PIPOX: variants seen among roughly 807,000 people sequenced by gnomAD.
PIPOX encodes peroxisomal sarcosine oxidase.
PIPOX carries 45 observed loss-of-function variants against 47.9 expected under a neutral mutation model. The ratio of observed to expected loss-of-function variants is 0.94; its 90% CI spans 0.74 to 1.20. The LOEUF (loss-of-function observed/expected upper bound fraction) is 1.20. Ranked by LOEUF, PIPOX falls within the 50% of genes most tolerant of loss-of-function variation. PIPOX has a pLI of 0.00. For missense variants in PIPOX, 458 were observed against 498.4 expected, an observed-to-expected ratio of 0.92 and a Z score of 0.77; for synonymous variants, 165 against 191.3, an observed-to-expected ratio of 0.86 and a Z score of 1.13.
Position 29,055,852 on chromosome 17 carries a change from A to C in PIPOX, c.1006A>C (p.Lys336Gln). The C allele has an allele frequency of 1.2e-6, 2 of 1,613,938 alleles. No individual in the cohort carries two copies. The highest frequency in any genetic ancestry group is 1.7e-6 in the Non-Finnish European group (2 of 1,179,868). ...GCAGTTCATTCTCGATCGCCACCCA[A>C]AGTATGACAACATTGTCATTGGTGC... Reference protein sequence around the residue: ...DEQFILDRHPKYDNIVIGAGF... With the variant: ...DEQFILDRHPQYDNIVIGAGF... The change falls in exon 7 of 8, where the codon AAG (lysine) becomes CAG (glutamine). Residue 336 changes from lysine (K) to glutamine (Q), a missense_variant. By Grantham distance (53) the Lys-to-Gln change is moderately conservative. Coordinates refer to ENST00000323372, the MANE Select transcript of PIPOX (RefSeq NM_016518.3).
At chr17:29,051,384 C>G (rs1296719942) in intron 2 of PIPOX, among the ~76,000 whole-genome samples, 1 of 152,182 alleles carries the variant, frequency 6.6e-6, no homozygotes, top group Non-Finnish European at 1.5e-5. Context: ...GGTGTCCCTA[C>G]CCCCTCCCAA....
In PIPOX at chr17:29,055,103, G is replaced by T; in HGVS notation, c.848G>T (p.Arg283Leu). Residue 283 changes from arginine to leucine, a missense_variant, in exon 6 of 8, where the codon CGG becomes CTG. Physicochemically the swap from Arg to Leu is moderately radical, Grantham distance 102. Transcript: ENST00000323372. The stretch of plus-strand genomic sequence containing the variant: ...GGCAACCACGCAGACCCTGAGGAGC[G>T]GGACTGCCCCACAGCACGCACAGAC... ...HHGNHADPEE[R>L]DCPTARTDIG... 1.9e-6 allele frequency: 3 copies of T among 1,614,094 alleles called. No homozygotes were observed. The highest frequency in any genetic ancestry group is 2.5e-6 in the Non-Finnish European group (3 of 1,180,000).
At chr17:29,043,752 G>A (rs1229951426) in intron 1 of PIPOX, among the ~76,000 whole-genome samples, 1 of 152,076 alleles carries the variant, frequency 6.6e-6, no homozygotes, top group African/African-American at 2.4e-5. Context: ...CTAAGAGGTA[G>A]GATTCTGTCT....
chr17:29,046,892 C>G (rs1210837739), intron 2 of PIPOX: 2 of 322,444 alleles, frequency 6.2e-6, no homozygotes, highest in African/African-American at 4.5e-5. Flanking sequence ...ATACTAATAC[C>G]TGTGTCATGG....
rs541530677 is a variant in PIPOX, at chr17:29,053,535, C to T, written c.600C>T (p.Ile200=). The T allele has an allele frequency of 1.2e-6, 2 of 1,613,890 alleles. No individual in the cohort carries two copies. The highest frequency in any genetic ancestry group is 2.7e-5 in the African/African-American group (2 of 75,048). ...GCTACCAAGCTAAGAGCTTGGTCAT[C>T]ACAGCAGGTCCTTGGACCAACCAGC... The part of the protein sequence containing the change: ...SRSYQAKSLV[I]TAGPWTNQLL... The change falls in exon 4 of 8, where the codon ATC becomes ATT. Residue 200 remains isoleucine (I), a synonymous_variant. Transcript: ENST00000323372.
intron 2 of PIPOX, among the ~76,000 whole-genome samples, chr17:29,045,859 G>C (rs898584515): frequency 6.6e-6 from 1 of 152,144 alleles, no homozygotes; most frequent in Admixed American, 6.5e-5. Context: ...TGCTTGCCAG[G>C]GAGTGAGCCT....
At chr17:29,055,965 C>T in intron 7 of PIPOX, 77 bp downstream of exon 7, 1 of 1,393,528 alleles carries the variant, frequency 7.2e-7, no homozygotes. Flanking sequence ...ATTTTCCACA[C>T]TCTTAGCTGC....
chr17:29,044,771 T>C, intron 1 of PIPOX, 88 bp from the exon 2 acceptor site: 2 of 1,350,436 alleles, frequency 1.5e-6, no homozygotes, highest in Non-Finnish European at 1.0e-6. Flanking sequence ...TGGCTCCTGG[T>C]TGACAGCACA....
At position 29,046,819 on chromosome 17, in the gene PIPOX, G is replaced by C. The variant is rs142810436; in HGVS notation, c.263+1812G>C. Reference sequence around the variant, plus strand: ...TCTCAGCTCTGACACGCTCAGCTGTGTGGTTTGGAACGAGCTGTTGAACCT... The same window carrying C: ...TCTCAGCTCTGACACGCTCAGCTGTCTGGTTTGGAACGAGCTGTTGAACCT... On this transcript the variant is annotated intron_variant, in intron 2 of 7. Coordinates refer to ENST00000323372, the MANE Select transcript of PIPOX (RefSeq NM_016518.3). 442 of 942,220 alleles carry C rather than the reference G, an allele frequency of 4.7e-4. 3 individuals carry two copies. In the African/African-American group the frequency reaches 7.1e-3, roughly 15 times the overall value. 58.4% of individuals were successfully genotyped at this position (942,220 alleles called of 1,614,324 possible). A position where few individuals can be genotyped will look rare whatever the true frequency, so the allele number is the denominator to read the frequency against.
chr17:29,049,781 C>T lies in PIPOX; in HGVS notation c.264-3139C>T, dbSNP rs552230131. On this transcript the variant is annotated intron_variant, in intron 2 of 7. Transcript: ENST00000323372. ...GGCCAAATAGCTCAGCTGTGATCCA[C>T]GGAAAATGAGAATTTCCCAAACACA... 4.6e-5 allele frequency among the ~76,000 whole-genome samples: 7 copies of T among 152,328 alleles called. No individual in the cohort carries two copies. The South Asian group carries it at 8.3e-4, about 18-fold the overall frequency.
intron 2 of PIPOX, among the ~76,000 whole-genome samples, chr17:29,051,681 G>A (rs759817512): frequency 2.0e-5 from 3 of 152,178 alleles, no homozygotes; most frequent in Non-Finnish European, 4.4e-5. Flanking sequence ...CTCCCTTAGG[G>A]AGTAAAAGCA....
Position 29,056,182 on chromosome 17 carries a change from G to A in PIPOX, c.1050G>A (p.Gly350=), listed in dbSNP as rs1414827246. The change falls in exon 8 of 8, where the codon GGG becomes GGA. Residue 350 remains glycine (G), a synonymous_variant. Transcript: ENST00000323372. ...IVIGAGFSGH[G]FKLAPVVGKI... is the part of the protein sequence containing the mutation. Reference sequence around the variant, plus strand: ...CTGCTCTTCCCTTCCTAGGGCACGGGTTCAAGCTGGCCCCTGTGGTGGGGA... The same window carrying A: ...CTGCTCTTCCCTTCCTAGGGCACGGATTCAAGCTGGCCCCTGTGGTGGGGA... 1 of 1,614,080 alleles carries A rather than the reference G, an allele frequency of 6.2e-7. No individual in the cohort carries two copies. The highest frequency in any genetic ancestry group is 1.3e-5 in the African/African-American group (1 of 74,932).
chr17:29,050,423 A>C (rs1191551462), intron 2 of PIPOX, among the ~76,000 whole-genome samples: 1 of 152,260 alleles, frequency 6.6e-6, no homozygotes, highest in East Asian at 1.9e-4. Flanking sequence ...GGCCGGGCAC[A>C]GTGGCTCATC....
At chr17:29,048,435 A>C (rs1387959680) in intron 2 of PIPOX, among the ~76,000 whole-genome samples, 2 of 152,246 alleles carry the variant, frequency 1.3e-5, no homozygotes, top group African/African-American at 4.8e-5. Context: ...CATACTAAAC[A>C]TGGGTGGGTT....
Position 29,057,096 on chromosome 17 carries a change from A to G in PIPOX, c.*791A>G, listed in dbSNP as rs1414030552. ...GAACAAGGTGATCTCAGAGATCACT[A>G]CTGCTCTTGGAGTTCCTTCTCCTAA... On this transcript the variant is annotated 3_prime_UTR_variant, in exon 8 of 8. Coordinates refer to ENST00000323372, the MANE Select transcript of PIPOX (RefSeq NM_016518.3). 1 of 152,220 alleles carries G rather than the reference A, an allele frequency of 6.6e-6. No homozygotes were observed. Among genetic ancestry groups the G allele is most frequent in the Non-Finnish European group, 1.5e-5 (1 of 68,044 alleles). 9.4% of individuals were successfully genotyped at this position (152,220 alleles called of 1,614,324 possible).
intron 2 of PIPOX, among the ~76,000 whole-genome samples, chr17:29,047,294 C>CAAAGAAAAAA (rs888717456): frequency 1.3e-5 from 2 of 150,638 alleles, no homozygotes; most frequent in African/African-American, 4.9e-5. Context: ...GACTCCGTCT[C>CAAAGAAAAAA]AAAGAAAAAA....
chr17:29,054,183 A>G (rs974857445), intron 4 of PIPOX, among the ~76,000 whole-genome samples: 1 of 143,734 alleles, frequency 7.0e-6, no homozygotes, highest in African/African-American at 2.9e-5. Flanking sequence ...ACCCTGTCTC[A>G]ATAAAATAAA....
At chr17:29,050,515 G>A (rs1344332654) in intron 2 of PIPOX, among the ~76,000 whole-genome samples, 6 of 152,200 alleles carry the variant, frequency 3.9e-5, no homozygotes, top group African/African-American at 1.2e-4. Flanking sequence ...GCAACATACT[G>A]TGTGACTCTT....
intron 2 of PIPOX, among the ~76,000 whole-genome samples, chr17:29,052,489 G>A (rs2065810139): frequency 4.6e-5 from 7 of 152,222 alleles, no homozygotes. Flanking sequence ...CTGAACATGA[G>A]GCCATGACTC....
Sources: gnomAD v4.1 joint callset for allele counts (sites outside exome capture counted in the v4.1 genomes callset) on GRCh38, gnomAD v4.1.1 for gene constraint, MANE v1.5 for transcripts, NCBI Gene and HGNC (gene_info 2026-07-23, HGNC 2026-07-21) for gene names.